Variants in CRYGS observed in about 807,000 individuals in gnomAD.
CRYGS encodes gamma-crystallin S.
In CRYGS, 13 loss-of-function variants were observed where a neutral mutation model predicts 21.3. The observed-to-expected ratio is 0.61, with a 90% CI of 0.40 to 0.97. The LOEUF (loss-of-function observed/expected upper bound fraction) is 0.97. Ranked by LOEUF, CRYGS falls within the 50% of genes least tolerant of loss-of-function variation. CRYGS has a pLI of 0.00. For missense variants in CRYGS, 205 were observed against 229.7 expected, an observed-to-expected ratio of 0.89 and a Z score of 0.69; for synonymous variants, 67 against 75.0, an observed-to-expected ratio of 0.89 and a Z score of 0.55.
intron 2 of CRYGS, 52 bp downstream of exon 2, chr3:186,539,303 A>G: frequency 1.9e-6 from 3 of 1,610,916 alleles, no homozygotes; most frequent in Middle Eastern, 2.3e-4. Context: ...AAGCAAGAGA[A>G]AGCGGACAGA....
chr3:186,539,868 C>T, intron 1 of CRYGS: 1 of 422,168 alleles, frequency 2.4e-6, no homozygotes, highest in Non-Finnish European at 4.4e-6. Context: ...GTTCATTTTC[C>T]TTCCTTTATG....
Position 186,538,582 on chromosome 3 carries a change from G to A in CRYGS, c.*114C>T, listed in dbSNP as rs897931550. The A allele has an allele frequency of 6.7e-6, 9 of 1,352,820 alleles. No homozygotes were observed. Among genetic ancestry groups the A allele is most frequent in the Non-Finnish European group, 9.4e-6 (9 of 956,746 alleles). The allele number at this position is 1,352,820 out of a possible 1,614,324, so 83.8% of individuals were successfully genotyped here. A position where few individuals can be genotyped will look rare whatever the true frequency, so the allele number is the denominator to read the frequency against. On this transcript the variant is annotated 3_prime_UTR_variant, in exon 3 of 3. Transcript: ENST00000307944. ...TGGTCCCTAGAAGCATTTAAGGAGA[G>A]GCATTATAGTCAGCAGTGGGATGCA...
chr3:186,538,689 C>T lies in CRYGS; in HGVS notation c.*7G>A. On this transcript the variant is annotated 3_prime_UTR_variant, in exon 3 of 3. Transcript: ENST00000307944. ...GCCCCAGGAAGAATATGGCCCCATT[C>T]ATGTCATTACTCCACAATGCGGCGG... The T allele has an allele frequency of 6.2e-7, 1 of 1,614,120 alleles. No individual in the cohort carries two copies. Among genetic ancestry groups the T allele is most frequent in the South Asian group, 1.1e-5 (1 of 91,080 alleles).
chr3:186,540,677 G>C (rs1474214852), intron 1 of CRYGS: 1 of 760,328 alleles, frequency 1.3e-6, no homozygotes, highest in African/African-American at 1.9e-5. Flanking sequence ...TAATTACCTG[G>C]CATTATGCCG....
In CRYGS at chr3:186,538,608, TG is replaced by T; in HGVS notation, c.*87del. ...GCATTATAGTCAGCAGTGGGATGCA[TG>T]CCAACTGTTTTATTGATGATGCCTA... On this transcript the variant is annotated 3_prime_UTR_variant, in exon 3 of 3. Transcript: ENST00000307944. 6.5e-7 allele frequency: 1 copy of T among 1,546,060 alleles called. No individual in the cohort carries two copies. The highest frequency in any genetic ancestry group is 1.1e-5 in the South Asian group (1 of 88,994).
At chr3:186,544,077 G>A (rs558985748) in intron 1 of CRYGS, among the ~76,000 whole-genome samples, 230 of 152,248 alleles carry the variant, frequency 1.5e-3, no homozygotes, top group Non-Finnish European at 2.7e-3. Flanking sequence ...TAAATTACCT[G>A]TATAGTATTT....
chr3:186,539,518 A>G lies in CRYGS; in HGVS notation c.101T>C (p.Leu34Pro). The change falls in exon 2 of 3, where the codon CTA becomes CCA. Residue 34 changes from leucine (L) to proline (P), a missense_variant. Leu to Pro is a moderately conservative substitution (Grantham distance 98). Transcript: ENST00000307944. ...DCDCADFHTY[L>P]SRCNSIKVEG... ...CACTTTAATGGAGTTGCAGCGACTT[A>G]GGTATGTGTGGAAATCTGCACAGTC... is the stretch of plus-strand genomic sequence containing the variant. The G allele has an allele frequency of 6.2e-7, 1 of 1,614,022 alleles. No individual in the cohort carries two copies. Among genetic ancestry groups the G allele is most frequent in the African/African-American group, 1.3e-5 (1 of 75,038 alleles).
chr3:186,543,581 C>A (rs1214544907), intron 1 of CRYGS, among the ~76,000 whole-genome samples: 1 of 152,110 alleles, frequency 6.6e-6, no homozygotes, highest in Admixed American at 6.5e-5. Context: ...GAAAGATATA[C>A]AAATATTCAT....
chr3:186,538,951 A>G lies in CRYGS; in HGVS notation c.282T>C (p.Tyr94=). The G allele has an allele frequency of 6.2e-7, 1 of 1,614,138 alleles. No homozygotes were observed. The highest frequency in any genetic ancestry group is 8.5e-7 in the Non-Finnish European group (1 of 1,180,002). Residue 94 remains tyrosine (Y), a synonymous_variant, in exon 3 of 3, where the codon TAT becomes TAC. Transcript: ENST00000307944. ...RAVHLPSGGQ[Y]KIQIFEKGDF... is the part of the protein sequence containing the mutation. ...CCCCTTTCTCAAAGATCTGAATCTT[A>G]TACTGGCCTCCACTAGGCTGAAAAG...
At chr3:186,541,733 T>G (rs79157512) in intron 1 of CRYGS, among the ~76,000 whole-genome samples, 4 of 152,226 alleles carry the variant, frequency 2.6e-5, no homozygotes, top group Admixed American at 2.0e-4. Flanking sequence ...ACAAGTTAGT[T>G]GCAGACAAGC....
rs779603335 is a variant in CRYGS at position 186,538,671 on chromosome 3, G to A, written c.*25C>T. The A allele has an allele frequency of 1.5e-5, 24 of 1,613,872 alleles. No individual in the cohort carries two copies. Among genetic ancestry groups the A allele is most frequent in the Middle Eastern group, 1.7e-4 (1 of 6,032 alleles). On this transcript the variant is annotated 3_prime_UTR_variant, in exon 3 of 3. Transcript: ENST00000307944. ...AGGCCAGCCAGCATTTGGGCCCCAG[G>A]AAGAATATGGCCCCATTCATGTCAT...
chr3:186,541,769 G>A (rs1321266876), intron 1 of CRYGS, among the ~76,000 whole-genome samples: 2 of 152,144 alleles, frequency 1.3e-5, no homozygotes, highest in Admixed American at 6.5e-5. Flanking sequence ...CAAAACTCCT[G>A]GTGAGTAAAC....
Sources: gnomAD v4.1 joint callset for allele counts (sites outside exome capture counted in the v4.1 genomes callset) on GRCh38, gnomAD v4.1.1 for gene constraint, MANE v1.5 for transcripts, NCBI Gene and HGNC (gene_info 2026-07-23, HGNC 2026-07-21) for gene names.